The following OR2C1 variants were observed in gnomAD, a reference collection of about 807,000 sequenced individuals.
OR2C1 encodes olfactory receptor 2C1.
For synonymous variants in OR2C1, 209 were observed against 167.3 expected (o/e 1.25, Z -1.92); for missense variants, 468 against 388.3 (o/e 1.21, Z -1.73).
At chr16:3,345,493 A>C in the OR2C1 span, among the ~76,000 whole-genome samples, 2 of 152,036 alleles carry the variant, frequency 1.3e-5, no homozygotes, top group Non-Finnish European at 2.9e-5. Flanking sequence ...CTCAAAAAAA[A>C]AAAAAAGTAA....
chr16:3,351,424 C>G (rs901467953), upstream of OR2C1, among the ~76,000 whole-genome samples: 3 of 151,914 alleles, frequency 2.0e-5, no homozygotes, highest in Non-Finnish European at 2.9e-5. Context: ...TTAAAATCTC[C>G]TCATAATAGT....
At chr16:3,346,651 T>G in the OR2C1 span, among the ~76,000 whole-genome samples, 2 of 123,300 alleles carry the variant, frequency 1.6e-5, no homozygotes, top group Non-Finnish European at 1.6e-5. Flanking sequence ...TGAGATGGAG[T>G]CTTCCTCTCA....
the OR2C1 span, among the ~76,000 whole-genome samples, chr16:3,342,197 G>A: frequency 6.6e-6 from 1 of 152,112 alleles, no homozygotes; most frequent in East Asian, 1.9e-4. Flanking sequence ...GTTGCTGTGA[G>A]CTAAGATCAT....
chr16:3,334,812 C>T, the OR2C1 span, among the ~76,000 whole-genome samples: 28 of 151,342 alleles, frequency 1.9e-4, no homozygotes, highest in Non-Finnish European at 7.4e-5. Flanking sequence ...CATGATGCTT[C>T]CACTTTGTTC....
chr16:3,345,240 GGGCAGATCATGAGGTC>G, the OR2C1 span, among the ~76,000 whole-genome samples: 5 of 152,008 alleles, frequency 3.3e-5, no homozygotes, highest in South Asian at 2.1e-4. Flanking sequence ...AGGCCGAGGT[GGGCAGATCATGAGGTC>G]GGCAGATCAC....
the OR2C1 span, among the ~76,000 whole-genome samples, chr16:3,350,415 T>TG: frequency 6.7e-6 from 1 of 149,988 alleles, no homozygotes; most frequent in African/African-American, 2.5e-5. Flanking sequence ...TTTGTTTTTT[T>TG]TGTGTTTTTT....
the OR2C1 span, among the ~76,000 whole-genome samples, chr16:3,339,974 T>C: frequency 6.6e-6 from 1 of 152,122 alleles, no homozygotes; most frequent in Non-Finnish European, 1.5e-5. Flanking sequence ...TCCAAGTATT[T>C]TCCCATTTTA....
At chr16:3,342,897 A>G in the OR2C1 span, among the ~76,000 whole-genome samples, 2 of 152,146 alleles carry the variant, frequency 1.3e-5, no homozygotes, top group Admixed American at 1.3e-4. Context: ...AAACGAAAAC[A>G]TGAATGAACT....
At chr16:3,323,343 G>A in the OR2C1 span, 31 of 1,107,702 alleles carry the variant, frequency 2.8e-5, no homozygotes, top group African/African-American at 3.9e-4. Context: ...ATGCTTCACT[G>A]GGAGGCAATT....
chr16:3,333,009 T>C, the OR2C1 span, among the ~76,000 whole-genome samples: 2 of 152,042 alleles, frequency 1.3e-5, no homozygotes, highest in Admixed American at 1.3e-4. Context: ...CGTACAAGGG[T>C]TCACCTTTCT....
At position 3,356,472 on chromosome 16, in the gene OR2C1, C is replaced by T; in HGVS notation, c.532C>T (p.Leu178Phe). 6.2e-7 allele frequency: 1 copy of T among 1,614,080 alleles called. No homozygotes were observed. Among genetic ancestry groups the T allele is most frequent in the Non-Finnish European group, 8.5e-7 (1 of 1,180,040 alleles). The part of the protein sequence containing the change: ...LCGHRRVEGF[L>F]CEVPAMIKLA... ...TGGGCACCGGAGGGTGGAGGGATTC[C>T]TCTGCGAGGTGCCTGCCATGATCAA... Residue 178 changes from leucine to phenylalanine, a missense_variant, in exon 1 of 1, where the codon CTC becomes TTC. Leu to Phe is a conservative substitution (Grantham distance 22). Transcript: ENST00000304936.
upstream of OR2C1, among the ~76,000 whole-genome samples, chr16:3,350,957 C>T (rs2030563156): frequency 6.8e-6 from 1 of 147,562 alleles, no homozygotes; most frequent in South Asian, 2.2e-4. Flanking sequence ...GGGAGGATTG[C>T]TTCAGCCTGG....
At chr16:3,324,496 C>G in the OR2C1 span, among the ~76,000 whole-genome samples, 3 of 152,184 alleles carry the variant, frequency 2.0e-5, no homozygotes, top group Non-Finnish European at 2.9e-5. Context: ...CATTATGATG[C>G]ATCAGCCTCA....
upstream of OR2C1, among the ~76,000 whole-genome samples, chr16:3,352,123 T>A (rs111550418): frequency 2.5e-3 from 377 of 152,188 alleles, no homozygotes; most frequent in Non-Finnish European, 3.5e-3. Flanking sequence ...ATTTAAATTT[T>A]AATTTTTTTT....
chr16:3,346,459 G>T, the OR2C1 span, among the ~76,000 whole-genome samples: 1 of 152,012 alleles, frequency 6.6e-6, no homozygotes, highest in African/African-American at 2.4e-5. Flanking sequence ...CCAGACCTAT[G>T]GTCCCCTTGA....
At chr16:3,345,796 CTT>C in the OR2C1 span, among the ~76,000 whole-genome samples, 9 of 148,268 alleles carry the variant, frequency 6.1e-5, no homozygotes, top group South Asian at 1.9e-3. Context: ...TTCTTTCTCT[CTT>C]TCTCTTTTCT....
chr16:3,339,657 C>T, the OR2C1 span, among the ~76,000 whole-genome samples: 1 of 151,974 alleles, frequency 6.6e-6, no homozygotes, highest in Non-Finnish European at 1.5e-5. Context: ...GGGGTTTCAC[C>T]GCTTTAGCCA....
At chr16:3,347,436 T>G in the OR2C1 span, among the ~76,000 whole-genome samples, 1 of 151,724 alleles carries the variant, frequency 6.6e-6, no homozygotes, top group African/African-American at 2.4e-5. Flanking sequence ...TAATGCAGGT[T>G]TACTGTGAGA....
At chr16:3,352,499 C>T (rs980775835), upstream of OR2C1, among the ~76,000 whole-genome samples, 1 of 152,112 alleles carries the variant, frequency 6.6e-6, no homozygotes, top group South Asian at 2.1e-4. Flanking sequence ...TGTTTTTAAA[C>T]TTACTGATGT....
Sources: gnomAD v4.1 joint callset for allele counts (sites outside exome capture counted in the v4.1 genomes callset) on GRCh38, gnomAD v4.1.1 for gene constraint, MANE v1.5 for transcripts, NCBI Gene and HGNC (gene_info 2026-07-23, HGNC 2026-07-21) for gene names.